Variants in RASSF3 observed in about 807,000 individuals in gnomAD.
RASSF3 encodes the protein ras association domain-containing protein 3.
Under a neutral mutation model 19.9 loss-of-function variants are expected in RASSF3, and 19 were observed. The ratio of observed to expected loss-of-function variants is 0.96; its 90% CI spans 0.67 to 1.40. RASSF3 has a LOEUF of 1.40. Among genes scored for constraint, RASSF3 ranks in the 40% most tolerant of loss-of-function variants. The pLI is 0.00. For missense variants in RASSF3, 306 were observed against 289.8 expected (o/e 1.06, Z -0.41); for synonymous variants, 110 against 104.2 (o/e 1.06, Z -0.34).
intron 1 of RASSF3, chr12:64,622,389 G>T: frequency 2.0e-6 from 1 of 502,004 alleles, no homozygotes; most frequent in Non-Finnish European, 4.0e-6. Context: ...AGTATACTAG[G>T]TATTGAAAAA....
At chr12:64,580,177 C>T (rs534032478) in intron 2 of RASSF3, among the ~76,000 whole-genome samples, 1 of 152,016 alleles carries the variant, frequency 6.6e-6, no homozygotes, top group Non-Finnish European at 1.5e-5. Flanking sequence ...CACAAACTCT[C>T]AAGTTTGGAA....
At chr12:64,551,884 T>G (rs1045891382) in intron 2 of RASSF3, among the ~76,000 whole-genome samples, 1 of 152,174 alleles carries the variant, frequency 6.6e-6, no homozygotes, top group Non-Finnish European at 1.5e-5. Context: ...TTTTCCAAAA[T>G]ATTTTCAGTT....
At chr12:64,618,997 C>T (rs564332471) in intron 1 of RASSF3, among the ~76,000 whole-genome samples, 4 of 151,998 alleles carry the variant, frequency 2.6e-5, no homozygotes, top group South Asian at 4.2e-4. Flanking sequence ...TGATAATATT[C>T]GATAATATTT....
intron 1 of RASSF3, among the ~76,000 whole-genome samples, chr12:64,673,456 A>G (rs1217027481): frequency 1.3e-5 from 2 of 152,196 alleles, no homozygotes; most frequent in Non-Finnish European, 2.9e-5. Context: ...CTTACTGTTG[A>G]AAGGGACCGT....
In RASSF3 at chr12:64,684,774, G is replaced by A. The variant is rs750581381; in HGVS notation, c.112-13G>A. ...TGATTGCTCACATGTGACATGTCTT[G>A]TTTTTCTTCTAGGATGTTGAGAAAG... On this transcript the variant is annotated splice_polypyrimidine_tract_variant and intron_variant, in intron 1 of 4. Coordinates refer to ENST00000542104, the MANE Select transcript of RASSF3 (RefSeq NM_178169.4). The A allele has an allele frequency of 1.3e-6, 2 of 1,575,538 alleles. No individual in the cohort carries two copies. The highest frequency in any genetic ancestry group is 1.7e-5 in the Admixed American group (1 of 59,850).
At chr12:64,526,932 C>T (rs1565832753) in intron 1 of RASSF3, among the ~76,000 whole-genome samples, 1 of 152,216 alleles carries the variant, frequency 6.6e-6, no homozygotes, top group Non-Finnish European at 1.5e-5. Context: ...CTGAACTTCT[C>T]CACATTTATC....
intron 2 of RASSF3, among the ~76,000 whole-genome samples, chr12:64,552,137 G>A (rs1265062750): frequency 6.6e-6 from 1 of 152,006 alleles, no homozygotes; most frequent in East Asian, 1.9e-4. Flanking sequence ...TCTGTGCTTT[G>A]TTTTTTAAAG....
At chr12:64,658,520 C>T (rs1049244023) in intron 1 of RASSF3, among the ~76,000 whole-genome samples, 3 of 152,246 alleles carry the variant, frequency 2.0e-5, no homozygotes, top group Non-Finnish European at 4.4e-5. Flanking sequence ...GAAGGAATTA[C>T]GGCAGGCACA....
At chr12:64,637,686 T>G (rs1871369767) in intron 1 of RASSF3, among the ~76,000 whole-genome samples, 1 of 151,712 alleles carries the variant, frequency 6.6e-6, no homozygotes, top group East Asian at 1.9e-4. Context: ...CACCTCAGCC[T>G]CCCAAAGTGC....
intron 2 of RASSF3, among the ~76,000 whole-genome samples, chr12:64,570,929 G>A (rs1019374429): frequency 1.3e-5 from 2 of 152,116 alleles, no homozygotes; most frequent in African/African-American, 4.8e-5. Context: ...GATAAAAAGT[G>A]TCTAAAGGCC....
intron 1 of RASSF3, 48 bp from the exon 2 acceptor site, chr12:64,684,739 C>CT (rs752842208): frequency 5.5e-5 from 77 of 1,392,990 alleles, no homozygotes; most frequent in Middle Eastern, 5.4e-4. Flanking sequence ...CCTATCCGCA[C>CT]TTTTTTTTAT....
intron 1 of RASSF3, among the ~76,000 whole-genome samples, chr12:64,662,451 T>A (rs1690272): frequency 0.28 from 41,356 of 148,396 alleles, 6,068 homozygotes; most frequent in Non-Finnish European, 0.35. Context: ...GATAAATGCC[T>A]AGATATCTGT....
chr12:64,543,452 G>GCCCCCCCGCTCCCCGCCCGC (rs1555208314), downstream of RASSF3, among the ~76,000 whole-genome samples: 1 of 10,862 alleles, frequency 9.2e-5, no homozygotes, highest in African/African-American at 4.3e-4. Context: ...GTGCCCGCCC[G>GCCCCCCCGCTCCCCGCCCGC]CCCCCCGCTC....
chr12:64,682,734 TA>T (rs1873184914), intron 1 of RASSF3, among the ~76,000 whole-genome samples: 1 of 152,168 alleles, frequency 6.6e-6, no homozygotes, highest in Admixed American at 6.5e-5. Flanking sequence ...TTTACGACAC[TA>T]GCTTCCAGTG....
chr12:64,583,878 G>A (rs528490257), intron 2 of RASSF3, among the ~76,000 whole-genome samples: 56 of 152,136 alleles, frequency 3.7e-4, no homozygotes, highest in African/African-American at 1.2e-3. Context: ...AAATATGTTC[G>A]GTTTATCTGT....
At chr12:64,521,625 T>C (rs2136104332) in intron 1 of RASSF3, among the ~76,000 whole-genome samples, 1 of 152,328 alleles carries the variant, frequency 6.6e-6, no homozygotes, top group East Asian at 1.9e-4. Context: ...ATCAGGATTG[T>C]TGGTAATGTT....
chr12:64,677,207 G>T (rs570082112), intron 1 of RASSF3, among the ~76,000 whole-genome samples: 63 of 152,282 alleles, frequency 4.1e-4, no homozygotes, highest in Admixed American at 4.6e-4. Context: ...TTAAAATTCA[G>T]TTCTCATTTC....
chr12:64,629,888 T>TGGGAGGTGGAGGTTGCA (rs1871114997), intron 1 of RASSF3: 1 of 138,402 alleles, frequency 7.2e-6, no homozygotes, highest in Non-Finnish European at 1.5e-5. Flanking sequence ...CACTTGAACC[T>TGGGAGGTGGAGGTTGCA]GGGAGGTGGA....
At chr12:64,604,876 C>T (rs1336327327) in intron 2 of RASSF3, among the ~76,000 whole-genome samples, 5 of 152,168 alleles carry the variant, frequency 3.3e-5, no homozygotes, top group East Asian at 3.9e-4. Flanking sequence ...CCGCCCGCCT[C>T]GGCCTCCCAA....
Sources: gnomAD v4.1 joint callset for allele counts (sites outside exome capture counted in the v4.1 genomes callset) on GRCh38, gnomAD v4.1.1 for gene constraint, MANE v1.5 for transcripts, NCBI Gene and HGNC (gene_info 2026-07-23, HGNC 2026-07-21) for gene names.